Variants in GPHN observed in about 807,000 individuals in gnomAD.
GPHN encodes gephyrin.
A neutral mutation model predicts 95.5 loss-of-function variants in GPHN; 17 were observed. The ratio of observed to expected loss-of-function variants is 0.18; its 90% confidence interval spans 0.12 to 0.27. The LOEUF is 0.27. GPHN is among the 10% of genes least tolerant of loss of function. The pLI, the probability that GPHN is intolerant of heterozygous loss-of-function variation, is 1.00. For missense variants in GPHN, 660 were observed against 978.1 expected (o/e 0.67, Z 4.34); for synonymous variants, 320 against 322.5 (o/e 0.99, Z 0.08).
chr14:66,848,450 CT>C (rs1331548693), intron 4 of GPHN, among the ~76,000 whole-genome samples: 1 of 152,042 alleles, frequency 6.6e-6, no homozygotes, highest in Non-Finnish European at 1.5e-5. Flanking sequence ...AGATATCCTG[CT>C]TCTCATGAAG....
chr14:67,094,503 CAGA>C (rs2077270738), intron 12 of GPHN, among the ~76,000 whole-genome samples: 1 of 152,138 alleles, frequency 6.6e-6, no homozygotes, highest in South Asian at 2.1e-4. Flanking sequence ...TCTAAATCTG[CAGA>C]AGTCCTTCAA....
intron 1 of GPHN, among the ~76,000 whole-genome samples, chr14:66,592,411 A>G (rs2140660433): frequency 6.6e-6 from 1 of 152,140 alleles, no homozygotes; most frequent in East Asian, 1.9e-4. Context: ...CCATCTGACA[A>G]AGGGCCAATA....
At chr14:67,606,985 G>A in the GPHN span, among the ~76,000 whole-genome samples, 2 of 152,184 alleles carry the variant, frequency 1.3e-5, no homozygotes, top group African/African-American at 2.4e-5. Context: ...TATTCAAAAT[G>A]TGAGAGGTAA....
the GPHN span, among the ~76,000 whole-genome samples, chr14:67,395,795 G>C: frequency 2.0e-5 from 3 of 152,188 alleles, no homozygotes; most frequent in Non-Finnish European, 2.9e-5. Context: ...TTCCCTTGTG[G>C]ACAAGGTAGT....
the GPHN span, chr14:67,690,559 A>G: frequency 2.9e-6 from 2 of 693,070 alleles, no homozygotes; most frequent in Non-Finnish European, 4.9e-6. Context: ...ATCAACTAGA[A>G]AACAAGTTTA....
the GPHN span, among the ~76,000 whole-genome samples, chr14:67,498,633 A>G: frequency 6.6e-6 from 1 of 152,218 alleles, no homozygotes; most frequent in Non-Finnish European, 1.5e-5. Flanking sequence ...TCAAGTGATC[A>G]GTCTCCCAGA....
intron 9 of GPHN, among the ~76,000 whole-genome samples, chr14:67,009,053 C>G (rs2072801707): frequency 6.6e-6 from 1 of 152,198 alleles, no homozygotes. Flanking sequence ...CATTAACCCA[C>G]TTTCTCACTG....
At chr14:67,111,797 G>T in intron 14 of GPHN, 64 bp from the exon 15 acceptor site, 1 of 1,194,352 alleles carries the variant, frequency 8.4e-7, no homozygotes. Context: ...TAAAAGTATC[G>T]GAGTAACTAA....
At chr14:67,192,877 G>GAT in the GPHN span, among the ~76,000 whole-genome samples, 1 of 140,742 alleles carries the variant, frequency 7.1e-6, no homozygotes, top group African/African-American at 2.6e-5. Flanking sequence ...TAGATATATA[G>GAT]ATATATATCT....
At chr14:67,469,459 TTTTTTTG>T in the GPHN span, among the ~76,000 whole-genome samples, 1 of 146,700 alleles carries the variant, frequency 6.8e-6, no homozygotes, top group African/African-American at 2.6e-5. Context: ...TTTTTTTTTT[TTTTTTTG>T]TAGAGATGGT....
the GPHN span, chr14:67,225,077 T>A: frequency 2.0e-6 from 3 of 1,514,784 alleles, no homozygotes; most frequent in Non-Finnish European, 2.6e-6. Flanking sequence ...TCTATTGATC[T>A]CTCCTTTACT....
the GPHN span, chr14:67,337,527 A>G: frequency 2.0e-5 from 3 of 152,160 alleles, no homozygotes; most frequent in African/African-American, 4.8e-5. Flanking sequence ...AAAAAAAAAA[A>G]AAAGAAAGAA....
chr14:67,733,112 A>G, the GPHN span, among the ~76,000 whole-genome samples: 4 of 144,314 alleles, frequency 2.8e-5, no homozygotes, highest in East Asian at 2.0e-4. Flanking sequence ...CCTAAAACTT[A>G]AAGTATAATA....
intron 13 of GPHN, 75 bp from the exon 14 acceptor site, chr14:67,110,065 A>T: frequency 7.5e-7 from 1 of 1,331,682 alleles, no homozygotes; most frequent in Non-Finnish European, 1.1e-6. Flanking sequence ...AATATTAAAA[A>T]AATTAACATC....
chr14:66,548,414 C>T (rs113736053), intron 1 of GPHN, among the ~76,000 whole-genome samples: 2 of 152,110 alleles, frequency 1.3e-5, no homozygotes, highest in African/African-American at 4.8e-5. Flanking sequence ...CTCCTGACCT[C>T]AGATGATCCA....
At chr14:67,687,762 C>T in the GPHN span, among the ~76,000 whole-genome samples, 4 of 150,846 alleles carry the variant, frequency 2.7e-5, no homozygotes, top group South Asian at 6.3e-4. Flanking sequence ...TGAGCCACCA[C>T]GTCCGGCCCT....
chr14:67,093,096 A>C (rs2077206041), intron 12 of GPHN, among the ~76,000 whole-genome samples: 1 of 152,152 alleles, frequency 6.6e-6, no homozygotes, highest in Non-Finnish European at 1.5e-5. Context: ...ATTTTGAACA[A>C]ACCAGGAATT....
the GPHN span, among the ~76,000 whole-genome samples, chr14:67,723,894 G>C: frequency 6.6e-6 from 1 of 152,188 alleles, no homozygotes; most frequent in Admixed American, 6.5e-5. Flanking sequence ...TTTGCCATCG[G>C]CCAGAATGAA....
At chr14:67,440,231 C>G in the GPHN span, among the ~76,000 whole-genome samples, 1 of 152,190 alleles carries the variant, frequency 6.6e-6, no homozygotes, top group South Asian at 2.1e-4. Flanking sequence ...GGCAGGAAGT[C>G]TGACTTCTTT....
Sources: allele counts gnomAD v4.1 joint callset (sites outside exome capture counted in the v4.1 genomes callset), GRCh38; gene constraint gnomAD v4.1.1; transcripts MANE v1.5; gene names NCBI Gene and HGNC (gene_info 2026-07-23, HGNC 2026-07-21).